SMYD3: variants seen among roughly 807,000 people sequenced by gnomAD.
The protein encoded by SMYD3 is SET and MYND domain containing 3.
A neutral mutation model predicts 57.7 loss-of-function variants in SMYD3; 36 were observed. The ratio of observed to expected loss-of-function variants is 0.62; its 90% CI spans 0.48 to 0.82. The LOEUF is 0.82. Among genes scored for constraint, SMYD3 ranks in the 40% least tolerant of loss-of-function variants. The pLI is 0.00. For missense variants in SMYD3, 515 were observed against 538.8 expected (o/e 0.96, Z 0.44); for synonymous variants, 211 against 195.0 (o/e 1.08, Z -0.68).
chr1:246,003,761 T>A (rs530716767), intron 5 of SMYD3, among the ~76,000 whole-genome samples: 2 of 152,392 alleles, frequency 1.3e-5, no homozygotes, highest in East Asian at 3.9e-4. Context: ...TATAAATATC[T>A]CACACATCTA....
At chr1:246,456,879 G>C (rs1039291718) in intron 1 of SMYD3, among the ~76,000 whole-genome samples, 2 of 152,184 alleles carry the variant, frequency 1.3e-5, no homozygotes, top group Admixed American at 1.3e-4. Context: ...GATGGGAATG[G>C]TGTACCCAGG....
intron 5 of SMYD3, among the ~76,000 whole-genome samples, chr1:246,045,696 C>A (rs1172659281): frequency 6.6e-6 from 1 of 152,112 alleles, no homozygotes; most frequent in African/African-American, 2.4e-5. Flanking sequence ...GAACAGGCAA[C>A]CTACAGAATG....
intron 1 of SMYD3, among the ~76,000 whole-genome samples, chr1:246,504,084 G>A (rs911145416): frequency 2.0e-5 from 3 of 151,828 alleles, no homozygotes; most frequent in Non-Finnish European, 4.4e-5. Flanking sequence ...ATTCCTTAAT[G>A]AGAGGAAAAA....
At chr1:246,287,116 C>T (rs1245006849) in intron 5 of SMYD3, among the ~76,000 whole-genome samples, 1 of 152,146 alleles carries the variant, frequency 6.6e-6, no homozygotes, top group Non-Finnish European at 1.5e-5. Flanking sequence ...AAATGATCCA[C>T]TTGCCTCGGC....
intron 1 of SMYD3, among the ~76,000 whole-genome samples, chr1:246,458,682 G>A (rs2067745053): frequency 7.6e-6 from 1 of 132,152 alleles, no homozygotes; most frequent in African/African-American, 2.8e-5. Flanking sequence ...TAGCCAGGAT[G>A]GTCTGGATCT....
intron 5 of SMYD3, among the ~76,000 whole-genome samples, chr1:246,235,820 T>C (rs1472327944): frequency 1.3e-5 from 2 of 152,126 alleles, no homozygotes; most frequent in Non-Finnish European, 2.9e-5. Context: ...CTGTCCAATA[T>C]GGAAATCATG....
At chr1:245,931,700 T>C (rs2056730591) in intron 5 of SMYD3, among the ~76,000 whole-genome samples, 1 of 152,152 alleles carries the variant, frequency 6.6e-6, no homozygotes, top group Non-Finnish European at 1.5e-5. Context: ...TGCTGACTTG[T>C]TATAAAGTTT....
chr1:246,464,535 A>C (rs1172395823), intron 1 of SMYD3, among the ~76,000 whole-genome samples: 1 of 152,144 alleles, frequency 6.6e-6, no homozygotes, highest in African/African-American at 2.4e-5. Flanking sequence ...GTATACAAGA[A>C]AGACAGAAAA....
intron 5 of SMYD3, among the ~76,000 whole-genome samples, chr1:246,005,753 G>A (rs1162392853): frequency 6.6e-6 from 1 of 152,074 alleles, no homozygotes; most frequent in Non-Finnish European, 1.5e-5. Flanking sequence ...ACTGCAAAAG[G>A]GATAAAGAAA....
chr1:246,298,878 T>C (rs1489500247), intron 5 of SMYD3, among the ~76,000 whole-genome samples: 2 of 151,952 alleles, frequency 1.3e-5, no homozygotes, highest in Non-Finnish European at 2.9e-5. Flanking sequence ...ATCAAATAAC[T>C]AAAAAATGAA....
chr1:246,466,881 A>T (rs190795669), intron 1 of SMYD3, among the ~76,000 whole-genome samples: 2,587 of 151,930 alleles, frequency 0.017, 33 homozygotes, highest in Non-Finnish European at 0.025. Context: ...TTTTTTTTTT[A>T]AAAATGCTGG....
intron 5 of SMYD3, among the ~76,000 whole-genome samples, chr1:246,062,832 A>G (rs1046887546): frequency 3.9e-5 from 6 of 152,224 alleles, no homozygotes; most frequent in Non-Finnish European, 7.3e-5. Flanking sequence ...GTATGTTGAA[A>G]AAAATTAGAT....
Position 246,103,545 on chromosome 1 carries a change from T to C in SMYD3, c.532-173608A>G, listed in dbSNP as rs2061057906. 2.0e-5 allele frequency among the ~76,000 whole-genome samples: 3 copies of C among 152,070 alleles called. No individual in the cohort carries two copies. In the South Asian group the frequency reaches 6.2e-4, roughly 31 times the overall value. On this transcript the variant is annotated intron_variant, in intron 5 of 11. Transcript: ENST00000490107. ...GACAGCCCTCAGATTTATTCCCTCC[T>C]CTAAATTCCCAGAGCCACTGCTATA...
intron 1 of SMYD3, among the ~76,000 whole-genome samples, chr1:246,459,348 A>C (rs2067758130): frequency 6.7e-6 from 1 of 148,666 alleles, no homozygotes; most frequent in Admixed American, 6.7e-5. Flanking sequence ...TCTTATTTAA[A>C]AGTGTGTAGC....
At chr1:246,059,227 C>T (rs1332605734) in intron 5 of SMYD3, among the ~76,000 whole-genome samples, 2 of 151,982 alleles carry the variant, frequency 1.3e-5, no homozygotes, top group African/African-American at 2.4e-5. Context: ...TAAAAGTAAA[C>T]GAGGGAGGCA....
chr1:246,360,296 A>G (rs1463135426), intron 1 of SMYD3, among the ~76,000 whole-genome samples: 3 of 152,194 alleles, frequency 2.0e-5, no homozygotes, highest in Non-Finnish European at 4.4e-5. Context: ...GAAAACTACA[A>G]AACACAGATG....
At chr1:246,046,834 A>C (rs186165072) in intron 5 of SMYD3, among the ~76,000 whole-genome samples, 234 of 151,746 alleles carry the variant, frequency 1.5e-3, no homozygotes, top group Non-Finnish European at 2.9e-3. Context: ...AAATATACAA[A>C]GAAATCATTA....
chr1:245,911,659 A>G (rs1426310727), intron 8 of SMYD3, among the ~76,000 whole-genome samples: 2 of 152,098 alleles, frequency 1.3e-5, no homozygotes, highest in Non-Finnish European at 2.9e-5. Context: ...TCATGTTCTC[A>G]CTCATACATG....
intron 10 of SMYD3, among the ~76,000 whole-genome samples, chr1:245,839,416 A>ATCTG (rs1558407572): frequency 8.0e-5 from 12 of 150,916 alleles, no homozygotes; most frequent in African/African-American, 2.9e-4. Flanking sequence ...TGATCCGCCC[A>ATCTG]CCTCGGCCTC....
Sources: gnomAD v4.1 joint callset for allele counts (sites outside exome capture counted in the v4.1 genomes callset) on GRCh38, gnomAD v4.1.1 for gene constraint, MANE v1.5 for transcripts, NCBI Gene and HGNC (gene_info 2026-07-23, HGNC 2026-07-21) for gene names.